The following RBFOX1 variants were observed in gnomAD, a reference collection of about 807,000 sequenced individuals.
RBFOX1 encodes RNA binding fox-1 homolog 1, also known as RNA binding protein fox-1 homolog 1.
Under a neutral mutation model 57.7 loss-of-function variants are expected in RBFOX1, and 8 were observed. That is an observed-to-expected ratio of 0.14 (90% CI 0.08 to 0.25). The LOEUF (loss-of-function observed/expected upper bound fraction) is 0.25. Ranked by LOEUF, RBFOX1 falls within the 10% of genes least tolerant of loss-of-function variation. The pLI is 1.00. For missense variants in RBFOX1, 611 were observed against 548.5 expected (o/e 1.11, Z -1.14); for synonymous variants, 326 against 222.4 (o/e 1.47, Z -4.15).
chr16:5,629,862 C>G (rs1199654039), intron 3 of RBFOX1, among the ~76,000 whole-genome samples: 1 of 152,136 alleles, frequency 6.6e-6, no homozygotes, highest in African/African-American at 2.4e-5. Context: ...TTGAAGCCCA[C>G]TTTATGTCTT....
intron 1 of RBFOX1, among the ~76,000 whole-genome samples, chr16:5,265,848 T>C (rs975592722): frequency 5.3e-5 from 8 of 152,166 alleles, no homozygotes; most frequent in African/African-American, 1.9e-4. Flanking sequence ...TCCAGATGTG[T>C]GTATCTGTGG....
chr16:6,168,991 A>G lies in RBFOX1; in HGVS notation c.-126-148004A>G, dbSNP rs183120846. 1.8e-3 allele frequency among the ~76,000 whole-genome samples: 281 copies of G among 152,216 alleles called. 1 individual carries two copies. The highest frequency in any genetic ancestry group is 6.3e-3 in the African/African-American group (263 of 41,530). On this transcript the variant is annotated intron_variant, in intron 1 of 15. Transcript: ENST00000550418. ...CCGTGGGGTGCTACAGCATGAATTT[A>G]GAGTTGGGCAAAAGTGCCTGAAAAG...
chr16:7,031,401 G>T (rs955886911), intron 3 of RBFOX1, among the ~76,000 whole-genome samples: 13 of 152,030 alleles, frequency 8.6e-5, no homozygotes, highest in African/African-American at 3.1e-4. Flanking sequence ...TTCAAGACCA[G>T]CCTGGCTAAC....
intron 3 of RBFOX1, among the ~76,000 whole-genome samples, chr16:6,840,933 G>A (rs935172985): frequency 1.7e-4 from 25 of 148,992 alleles, no homozygotes; most frequent in African/African-American, 4.5e-4. Context: ...ACCCCTCACC[G>A]CTTTAATCAT....
chr16:7,540,878 T>C (rs182238910), intron 5 of RBFOX1, among the ~76,000 whole-genome samples: 3 of 152,188 alleles, frequency 2.0e-5, no homozygotes, highest in African/African-American at 7.2e-5. Context: ...AAACTCCTCA[T>C]GTGGCCAAGG....
chr16:6,159,509 C>T (rs994081727), intron 1 of RBFOX1, among the ~76,000 whole-genome samples: 5 of 152,166 alleles, frequency 3.3e-5, no homozygotes, highest in African/African-American at 1.2e-4. Context: ...TGCTTGAAGG[C>T]AGAAGCCATC....
At chr16:5,667,594 T>C (rs960956944) in intron 3 of RBFOX1, among the ~76,000 whole-genome samples, 4 of 152,238 alleles carry the variant, frequency 2.6e-5, no homozygotes, top group Non-Finnish European at 5.9e-5. Context: ...ACTTGAAAAT[T>C]CTATGTATCT....
At chr16:6,226,382 A>AAG (rs1216352045) in intron 1 of RBFOX1, among the ~76,000 whole-genome samples, 3 of 150,778 alleles carry the variant, frequency 2.0e-5, no homozygotes, top group African/African-American at 7.3e-5. Flanking sequence ...TCCAAAAAAA[A>AAG]AAAAAAAAAC....
chr16:6,054,054 A>G (rs1178007931), intron 1 of RBFOX1, among the ~76,000 whole-genome samples: 3 of 152,162 alleles, frequency 2.0e-5, no homozygotes, highest in African/African-American at 7.2e-5. Flanking sequence ...GTTTCAAAAA[A>G]GAAAAAAAGA....
intron 3 of RBFOX1, among the ~76,000 whole-genome samples, chr16:6,789,661 C>G (rs1184730687): frequency 6.6e-6 from 1 of 152,102 alleles, no homozygotes; most frequent in East Asian, 1.9e-4. Context: ...TGTGAGTTGT[C>G]TGTTTCTTTT....
At chr16:6,855,138 A>T (rs865856957) in intron 3 of RBFOX1, among the ~76,000 whole-genome samples, 1 of 152,042 alleles carries the variant, frequency 6.6e-6, no homozygotes, top group South Asian at 2.1e-4. Context: ...CTATACTGTA[A>T]ATTCCGTGAG....
intron 1 of RBFOX1, among the ~76,000 whole-genome samples, chr16:6,122,031 G>T (rs547240763): frequency 6.6e-6 from 1 of 152,074 alleles, no homozygotes; most frequent in African/African-American, 2.4e-5. Context: ...TCAGCCTCCT[G>T]CGTAGCTGGG....
intron 3 of RBFOX1, among the ~76,000 whole-genome samples, chr16:6,984,874 C>G (rs2089880955): frequency 6.6e-6 from 1 of 152,090 alleles, no homozygotes; most frequent in African/African-American, 2.4e-5. Context: ...CTCCTGACCT[C>G]AGCTGATCCA....
chr16:6,001,868 G>T lies in RBFOX1; in HGVS notation c.351+134533G>T, dbSNP rs1328583420. On this transcript the variant is annotated intron_variant, in intron 4 of 19. Coordinates refer to the RBFOX1 transcript ENST00000641259. ...CCAATGGGACTCAGAACCCTCTGAG[G>T]CCCTCCTCATTCCCTCTTCTTCCCC... is the stretch of plus-strand genomic sequence containing the variant. Among the ~76,000 whole-genome samples the T allele has an allele frequency of 2.0e-5, 3 of 152,006 alleles. No homozygotes were observed. The East Asian group carries it at 5.8e-4, about 29-fold the overall frequency.
chr16:7,076,942 CA>C (rs1330112209), intron 4 of RBFOX1, among the ~76,000 whole-genome samples: 1 of 152,182 alleles, frequency 6.6e-6, no homozygotes, highest in African/African-American at 2.4e-5. Flanking sequence ...AATTTTCTAA[CA>C]TTGCATTTCT....
chr16:7,363,118 G>T (rs1053074932), intron 4 of RBFOX1, among the ~76,000 whole-genome samples: 1 of 152,154 alleles, frequency 6.6e-6, no homozygotes, highest in Non-Finnish European at 1.5e-5. Flanking sequence ...CTGCTCTTAC[G>T]CTGTGACTGC....
chr16:5,612,351 A>G (rs1443808991), intron 3 of RBFOX1, among the ~76,000 whole-genome samples: 1 of 150,124 alleles, frequency 6.7e-6, no homozygotes, highest in Non-Finnish European at 1.5e-5. Flanking sequence ...CTGTCCATCC[A>G]TGCAATATTG....
At chr16:7,248,807 A>G (rs192446301) in intron 4 of RBFOX1, among the ~76,000 whole-genome samples, 1 of 152,230 alleles carries the variant, frequency 6.6e-6, no homozygotes, top group African/African-American at 2.4e-5. Flanking sequence ...GCTATTTATA[A>G]CAGTTGCCTT....
At chr16:5,485,406 C>G (rs1207856620) in intron 2 of RBFOX1, among the ~76,000 whole-genome samples, 1 of 147,140 alleles carries the variant, frequency 6.8e-6, no homozygotes, top group Non-Finnish European at 1.5e-5. Flanking sequence ...GAATAGGACT[C>G]TCCAAGTGCA....
Sources: gnomAD v4.1 joint callset for allele counts (sites outside exome capture counted in the v4.1 genomes callset) on GRCh38, gnomAD v4.1.1 for gene constraint, MANE v1.5 for transcripts, NCBI Gene and HGNC (gene_info 2026-07-23, HGNC 2026-07-21) for gene names.